Variants in TBL3 observed in about 807,000 individuals in gnomAD.
TBL3 encodes the protein transducin beta like 3.
Under a neutral mutation model 102.7 loss-of-function variants are expected in TBL3, and 71 were observed. That is an observed-to-expected ratio of 0.69 (90% CI 0.57 to 0.84). The LOEUF is 0.84. TBL3 is among the 40% of genes least tolerant of loss of function. The pLI is 0.00. For missense variants in TBL3, 1,188 were observed against 1,098.5 expected (o/e 1.08, Z -1.15); for synonymous variants, 578 against 477.7 (o/e 1.21, Z -2.74).
rs2083388757 is a variant in TBL3, at chr16:1,975,006, A to G, written c.543A>G (p.Ser181=). 3 of 1,607,410 alleles carry G rather than the reference A, an allele frequency of 1.9e-6. No homozygotes were observed. The East Asian group carries it at 6.7e-5, about 36-fold the overall frequency. Residue 181 remains serine, a synonymous_variant, in exon 7 of 22, where the codon TCA becomes TCG. Transcript: ENST00000568546. ...CGGATGCCGCCATCCGCGTGTGGTC[A>G]CTGCAGGACCGGTCATGCCTGGCTG... The part of the protein sequence containing the change: ...SATDAAIRVW[S]LQDRSCLAVL...
rs757117596 is a variant in TBL3, at chr16:1,979,982, C to A, written c.*1297C>A. The A allele has an allele frequency of 1.8e-5, 29 of 1,596,102 alleles. No homozygotes were observed. In the East Asian group the frequency reaches 5.9e-4, roughly 32 times the overall value. ...GAGCAGAGGAGCAAATCCCTGGGTTCTTGGGGGGCCCTACCTGAGGGGTGC... is the reference window on the plus strand; with the variant it reads ...GAGCAGAGGAGCAAATCCCTGGGTTATTGGGGGGCCCTACCTGAGGGGTGC... On this transcript the variant is annotated 3_prime_UTR_variant, in exon 22 of 22. Coordinates refer to ENST00000568546, the MANE Select transcript of TBL3 (RefSeq NM_006453.3).
At position 1,978,880 on chromosome 16, in the gene TBL3, A is replaced by C. The variant is rs34143457; in HGVS notation, c.*195A>C. ...CATCCCGCACCCTGGCCTGGCAGAG[A>C]TCCAGCCCGCGGCTCCGCACGCTTA... On this transcript the variant is annotated 3_prime_UTR_variant, in exon 22 of 22. Transcript: ENST00000568546. 0.083 allele frequency: 88,297 copies of C among 1,068,930 alleles called. 4,200 individuals carry two copies. The highest frequency in any genetic ancestry group is 0.089 in the Non-Finnish European group (67,516 of 754,492). 66.2% of individuals were successfully genotyped at this position (1,068,930 alleles called of 1,614,324 possible).
intron 1 of TBL3, among the ~76,000 whole-genome samples, chr16:1,973,129 C>T (rs1490738563): frequency 6.6e-6 from 1 of 152,250 alleles, no homozygotes; most frequent in East Asian, 1.9e-4. Flanking sequence ...TGAAAGGTAC[C>T]TGGCAGCAGG....
intron 13 of TBL3, 55 bp downstream of exon 13, chr16:1,976,369 C>T: frequency 1.3e-6 from 2 of 1,493,792 alleles, no homozygotes; most frequent in South Asian, 1.2e-5. Context: ...CCCAGGCCTG[C>T]CAGCAGGGCT....
chr16:1,980,652 T>C lies in TBL3; in HGVS notation c.*1967T>C, dbSNP rs375071601. ...CCCCGCTCCCGTACCCAGGCTGGCC[T>C]GACCGAGAAGCTTTGGGAGAACGCG... On this transcript the variant is annotated 3_prime_UTR_variant, in exon 22 of 22. Transcript: ENST00000568546. 2 of 1,604,560 alleles carry C rather than the reference T, an allele frequency of 1.2e-6. No individual in the cohort carries two copies. The highest frequency in any genetic ancestry group is 1.3e-5 in the African/African-American group (1 of 74,974).
At position 1,972,197 on chromosome 16, in the gene TBL3, C is replaced by G; in HGVS notation, c.33C>G (p.Phe11Leu). 3 of 1,411,930 alleles carry G rather than the reference C, an allele frequency of 2.1e-6. No individual in the cohort carries two copies. The highest frequency in any genetic ancestry group is 2.8e-6 in the Non-Finnish European group (3 of 1,078,660). 87.5% of individuals were successfully genotyped at this position (1,411,930 alleles called of 1,614,324 possible). Residue 11 changes from phenylalanine to leucine, a missense_variant, in exon 1 of 22, where the codon TTC becomes TTG. Coordinates refer to ENST00000568546, the MANE Select transcript of TBL3 (RefSeq NM_006453.3). Reference sequence around the variant, plus strand: ...AGACCGCGGCCGGAGTGGGCCGCTTCAAGACCAAGTGAGCCCGGAGCTCTG... The same window carrying G: ...AGACCGCGGCCGGAGTGGGCCGCTTGAAGACCAAGTGAGCCCGGAGCTCTG... MAETAAGVGR[F>L]KTNYAVERKI...
Position 1,977,586 on chromosome 16 carries a change from G to T in TBL3, c.1815G>T (p.Glu605Asp). 4.4e-6 allele frequency: 7 copies of T among 1,576,702 alleles called. No homozygotes were observed. The highest frequency in any genetic ancestry group is 6.0e-6 in the Non-Finnish European group (7 of 1,160,198). ...GTGTGCGGACGCTGGATGCCCACGA[G>T]GACAAGGTCTGGGGGCTGCACTGCA... ...NECVRTLDAH[E>D]DKVWGLHCSR... Residue 605 changes from glutamate (E) to aspartate (D), a missense_variant, in exon 17 of 22, where the codon GAG becomes GAT. Glu to Asp is a conservative substitution (Grantham distance 45). Transcript: ENST00000568546.
In TBL3 at chr16:1,979,646, C is replaced by T; in HGVS notation, c.*961C>T. The T allele has an allele frequency of 1.6e-6, 2 of 1,256,336 alleles. No individual in the cohort carries two copies. Among genetic ancestry groups the T allele is most frequent in the Middle Eastern group, 1.9e-4 (1 of 5,216 alleles). The allele number at this position is 1,256,336 out of a possible 1,614,324, so 77.8% of individuals were successfully genotyped here. Reference sequence around the variant, plus strand: ...TGCTTGAGTCTGCTGACGGCGGGGCCGCTCTAAGACCGGTTCGGGGCTTCC... The same window carrying T: ...TGCTTGAGTCTGCTGACGGCGGGGCTGCTCTAAGACCGGTTCGGGGCTTCC... On this transcript the variant is annotated 3_prime_UTR_variant, in exon 22 of 22. Coordinates refer to ENST00000568546, the MANE Select transcript of TBL3 (RefSeq NM_006453.3).
chr16:1,977,750 C>T lies in TBL3; in HGVS notation c.1908C>T (p.Thr636=), dbSNP rs548398645. ...DSRVILWKDV[T]EAEQAEEQAR... ...CCCTAGTCTAACCCCAGGATGTGAC[C>T]GAGGCGGAGCAGGCAGAGGAGCAGG... Residue 636 remains threonine, a synonymous_variant, in exon 18 of 22, where the codon ACC becomes ACT. Coordinates refer to ENST00000568546, the MANE Select transcript of TBL3 (RefSeq NM_006453.3). The T allele has an allele frequency of 2.2e-4, 339 of 1,554,354 alleles. 2 individuals carry two copies. The highest frequency in any genetic ancestry group is 1.9e-3 in the South Asian group (162 of 84,486).
rs2083477955 is a variant in TBL3, at chr16:1,980,348, T to G, written c.*1663T>G. On this transcript the variant is annotated 3_prime_UTR_variant, in exon 22 of 22. Transcript: ENST00000568546. ...TCCAAACGCCGCTGCATGCTGGGAG[T>G]TTGGGGCGAGTCAGGCACCTGCCGG... 2.5e-6 allele frequency: 4 copies of G among 1,593,684 alleles called. No individual in the cohort carries two copies. In the East Asian group the frequency reaches 8.9e-5, roughly 36 times the overall value.
rs758231020 is a variant in TBL3, at chr16:1,978,365, C to T, written c.2187C>T (p.His729=). Residue 729 remains histidine, a synonymous_variant, in exon 21 of 22, where the codon CAC becomes CAT. Transcript: ENST00000568546. ...VTWNTNSRHC[H]EAQAVLGVLL... ...GGAACACCAACTCGCGGCACTGCCA[C>T]GAGGCCCAGGCCGTGCTGGGTGTGC... The T allele has an allele frequency of 2.4e-5, 38 of 1,610,738 alleles. No individual in the cohort carries two copies. The Admixed American group carries it at 4.7e-4, about 20-fold the overall frequency.
chr16:1,980,033 G>C lies in TBL3; in HGVS notation c.*1348G>C. On this transcript the variant is annotated 3_prime_UTR_variant, in exon 22 of 22. Transcript: ENST00000568546. ...CGCAGCAGCACGTCCAGGCTCTCCT[G>C]GGCCTGCGCCTGAAAAGGCCTATCC... 1 of 1,606,706 alleles carries C rather than the reference G, an allele frequency of 6.2e-7. No individual in the cohort carries two copies. The highest frequency in any genetic ancestry group is 8.5e-7 in the Non-Finnish European group (1 of 1,177,922).
intron 9 of TBL3, 36 bp downstream of exon 9, chr16:1,975,474 C>G (rs752080786): frequency 7.5e-6 from 12 of 1,608,372 alleles, no homozygotes; most frequent in Non-Finnish European, 9.3e-6. Context: ...GCGGTAGGGG[C>G]TGGGGAAGGC....
At position 1,974,766 on chromosome 16, in the gene TBL3, G is replaced by A; in HGVS notation, c.383G>A (p.Gly128Asp). Residue 128 changes from glycine to aspartate, a missense_variant, in exon 6 of 22, where the codon GGC (glycine) becomes GAC (aspartate). Physicochemically the swap from Gly to Asp is moderately conservative, Grantham distance 94 (BLOSUM62 -1). Transcript: ENST00000568546. The stretch of plus-strand genomic sequence containing the variant: ...CCCTCACCTTGCTTCCCCGCAGGTG[G>A]CTGTGATGGGGCCGTGCGCGTCTGG... ...DPTSTLLATGGCDGAVRVWDI... is the reference protein window; with the variant it reads ...DPTSTLLATGDCDGAVRVWDI... The A allele has an allele frequency of 6.2e-7, 1 of 1,612,658 alleles. No homozygotes were observed. The highest frequency in any genetic ancestry group is 8.5e-7 in the Non-Finnish European group (1 of 1,179,970).
chr16:1,976,004 C>T, intron 11 of TBL3, 52 bp from the exon 12 acceptor site: 3 of 1,614,130 alleles, frequency 1.9e-6, no homozygotes, highest in East Asian at 4.5e-5. Flanking sequence ...CCCTTGCTTG[C>T]TTCCCTTCCC....
At chr16:1,972,556 G>A (rs954841082) in intron 1 of TBL3, among the ~76,000 whole-genome samples, 2 of 152,216 alleles carry the variant, frequency 1.3e-5, no homozygotes, top group Non-Finnish European at 2.9e-5. Flanking sequence ...CCACCTCTGA[G>A]CAGTCGGCCT....
chr16:1,975,573 A>G lies in TBL3; in HGVS notation c.850A>G (p.Thr284Ala), dbSNP rs777968889. 1.9e-6 allele frequency: 3 copies of G among 1,598,908 alleles called. No individual in the cohort carries two copies. In the Admixed American group the frequency reaches 5.0e-5, roughly 27 times the overall value. The change falls in exon 10 of 22, where the codon ACG (threonine) becomes GCG (alanine). Residue 284 changes from threonine to alanine, a missense_variant. By Grantham distance (58) the Thr-to-Ala change is moderately conservative. Transcript: ENST00000568546. ...WEAASGQCVY[T>A]QAQPPGPGQE... ...GGCAGCTTCTGGGCAGTGTGTGTAC[A>G]CGCAGGCCCAGCCGCCGGGCCCTGG... is the stretch of plus-strand genomic sequence containing the variant.
Position 1,974,867 on chromosome 16 carries a change from G to T in TBL3, c.464+20G>T. Reference sequence around the variant, plus strand: ...CGTGCAGTGAGTTGGAAGGTGGAGGGGGAGGGCAGAGGCACCACCCAGGCT... The same window carrying T: ...CGTGCAGTGAGTTGGAAGGTGGAGGTGGAGGGCAGAGGCACCACCCAGGCT... On this transcript the variant is annotated intron_variant, in intron 6 of 21. Coordinates refer to ENST00000568546, the MANE Select transcript of TBL3 (RefSeq NM_006453.3). The T allele has an allele frequency of 1.2e-6, 2 of 1,613,102 alleles. No individual in the cohort carries two copies. Among genetic ancestry groups the T allele is most frequent in the African/African-American group, 1.3e-5 (1 of 75,064 alleles).
Position 1,977,817 on chromosome 16 carries a change from GGCGCCCCTCCCCGCATCA to G in TBL3, c.1958+20_1958+37del. On this transcript the variant is annotated intron_variant, in intron 18 of 21. Coordinates refer to ENST00000568546, the MANE Select transcript of TBL3 (RefSeq NM_006453.3). ...GGTGGTCAGGTAAGGCCAGGGCAGT[GGCGCCCCTCCCCGCATCA>G]GCCCTGCTCTGTGCTGTAGGGAAAA... The G allele has an allele frequency of 6.4e-7, 1 of 1,557,536 alleles. No individual in the cohort carries two copies. The highest frequency in any genetic ancestry group is 8.7e-7 in the Non-Finnish European group (1 of 1,150,494).
Sources: gnomAD v4.1 joint callset for allele counts (sites outside exome capture counted in the v4.1 genomes callset) on GRCh38, gnomAD v4.1.1 for gene constraint, MANE v1.5 for transcripts, NCBI Gene and HGNC (gene_info 2026-07-23, HGNC 2026-07-21) for gene names.